DCLK2: variants seen among roughly 807,000 people sequenced by gnomAD.
DCLK2 encodes doublecortin like kinase 2, also known as serine/threonine-protein kinase DCLK2.
In DCLK2, 31 loss-of-function variants were observed where a neutral mutation model predicts 78.4. The ratio of observed to expected loss-of-function variants is 0.40; its 90% CI spans 0.30 to 0.53. The LOEUF is 0.53. DCLK2 is among the 20% of genes least tolerant of loss of function. The probability of loss-of-function intolerance (pLI) is 0.61; values close to 1 mark genes in which losing one functional copy is unlikely to be tolerated. For synonymous variants in DCLK2, 407 were observed against 374.9 expected, an observed-to-expected ratio of 1.09 and a Z score of -0.99; for missense variants, 872 against 973.7, an observed-to-expected ratio of 0.90 and a Z score of 1.39.
chr4:150,221,252 G>C (rs72951526), intron 6 of DCLK2, among the ~76,000 whole-genome samples: 12,104 of 151,426 alleles, frequency 0.08, 1,575 homozygotes, highest in African/African-American at 0.27. Flanking sequence ...ACTAGAAAAT[G>C]TTGAAGAGAA....
At chr4:150,151,780 C>G (rs1429202713) in intron 2 of DCLK2, among the ~76,000 whole-genome samples, 1 of 152,044 alleles carries the variant, frequency 6.6e-6, no homozygotes, top group Non-Finnish European at 1.5e-5. Context: ...CAAAAATTAG[C>G]CAGATGTGGT....
intron 1 of DCLK2, among the ~76,000 whole-genome samples, chr4:150,098,697 T>C (rs1246319645): frequency 9.1e-6 from 1 of 109,576 alleles, no homozygotes; most frequent in East Asian, 2.4e-4. Context: ...TTTTTCTTTT[T>C]CTTTTTTTTT....
At chr4:150,156,935 AATTT>A (rs1294611573) in intron 2 of DCLK2, among the ~76,000 whole-genome samples, 16 of 151,218 alleles carry the variant, frequency 1.1e-4, no homozygotes, top group Admixed American at 4.0e-4. Context: ...CTGCTTGGCT[AATTT>A]ATTTATTTTT....
intron 15 of DCLK2, among the ~76,000 whole-genome samples, chr4:150,252,209 G>C (rs1162700646): frequency 6.6e-6 from 1 of 152,220 alleles, no homozygotes; most frequent in African/African-American, 2.4e-5. Flanking sequence ...AGCATTGATG[G>C]ATGGGCTCAG....
chr4:150,199,171 A>C (rs1396484956), intron 4 of DCLK2: 2 of 1,175,952 alleles, frequency 1.7e-6, no homozygotes, highest in African/African-American at 3.0e-5. Context: ...ATTTCCATGA[A>C]TGTATCTGGC....
chr4:150,184,379 T>C (rs1381405760), intron 2 of DCLK2, among the ~76,000 whole-genome samples: 1 of 152,178 alleles, frequency 6.6e-6, no homozygotes, highest in African/African-American at 2.4e-5. Context: ...TTTCAACTTT[T>C]CTAAAAGCAG....
intron 15 of DCLK2, among the ~76,000 whole-genome samples, chr4:150,250,973 AT>A (rs1251486180): frequency 0.01 from 5 of 488 alleles, no homozygotes; most frequent in Non-Finnish European, 9.7e-3. Context: ...CACACCACAC[AT>A]CCCCCACACC....
At chr4:150,168,844 T>G (rs1362181908) in intron 2 of DCLK2, among the ~76,000 whole-genome samples, 3 of 152,240 alleles carry the variant, frequency 2.0e-5, no homozygotes, top group Admixed American at 2.0e-4. Flanking sequence ...TCATTCTGAC[T>G]GTTGAGCTGG....
At chr4:150,196,937 T>G (rs1466960641) in intron 3 of DCLK2, among the ~76,000 whole-genome samples, 4 of 152,162 alleles carry the variant, frequency 2.6e-5, no homozygotes, top group Non-Finnish European at 4.4e-5. Context: ...GCAGATCACC[T>G]GAGATGAGAA....
chr4:150,174,096 T>C (rs1430447748), intron 2 of DCLK2, among the ~76,000 whole-genome samples: 2 of 152,166 alleles, frequency 1.3e-5, no homozygotes, highest in African/African-American at 4.8e-5. Context: ...ACTCCGGGAA[T>C]GGCAGTCACC....
intron 12 of DCLK2, among the ~76,000 whole-genome samples, chr4:150,243,066 C>G (rs749191727): frequency 2.0e-5 from 3 of 152,174 alleles, no homozygotes; most frequent in Non-Finnish European, 4.4e-5. Context: ...ACAACTCCCT[C>G]TAGTGTTTGC....
At chr4:150,084,852 C>G (rs763876707) in intron 1 of DCLK2, among the ~76,000 whole-genome samples, 5 of 152,120 alleles carry the variant, frequency 3.3e-5, no homozygotes, top group African/African-American at 4.8e-5. Flanking sequence ...TTTCTGTATC[C>G]CTTCCTGCCC....
chr4:150,158,401 A>G (rs1297178538), intron 2 of DCLK2, among the ~76,000 whole-genome samples: 1 of 152,184 alleles, frequency 6.6e-6, no homozygotes, highest in Non-Finnish European at 1.5e-5. Context: ...GGGGGATATA[A>G]TTCAGTCTAT....
chr4:150,132,299 T>C (rs1281117479), intron 2 of DCLK2, among the ~76,000 whole-genome samples: 1 of 152,206 alleles, frequency 6.6e-6, no homozygotes, highest in Non-Finnish European at 1.5e-5. Flanking sequence ...AGCATTCAAG[T>C]GCTGGATTGT....
At chr4:150,137,402 A>G (rs1733773842) in intron 2 of DCLK2, among the ~76,000 whole-genome samples, 1 of 152,176 alleles carries the variant, frequency 6.6e-6, no homozygotes, top group South Asian at 2.1e-4. Flanking sequence ...TTTCTGCCTC[A>G]TTCTGTTGGT....
intron 1 of DCLK2, among the ~76,000 whole-genome samples, chr4:150,081,658 C>T (rs1354924028): frequency 4.0e-5 from 6 of 151,854 alleles, no homozygotes; most frequent in Admixed American, 2.0e-4. Context: ...CTTCAGTTTT[C>T]CCCCAAATTA....
chr4:150,078,819 A>T lies in DCLK2; in HGVS notation c.-209A>T, dbSNP rs28501392. The T allele has an allele frequency of 9.3e-6, 5 of 540,054 alleles. No homozygotes were observed. In the Admixed American group the frequency reaches 1.6e-4, roughly 17 times the overall value. 33.5% of individuals were successfully genotyped at this position (540,054 alleles called of 1,614,324 possible). A position where few individuals can be genotyped will look rare whatever the true frequency, so the allele number is the denominator to read the frequency against. On this transcript the variant is annotated 5_prime_UTR_variant, in exon 1 of 16. Coordinates refer to ENST00000296550, the MANE Select transcript of DCLK2 (RefSeq NM_001040260.4). ...AGTCGCACTGGACAATGACCTGGGC[A>T]GCTCGGCGCTGCGGACACTTTTAGC... is the stretch of plus-strand genomic sequence containing the variant.
At chr4:150,118,462 T>C (rs1217202123) in intron 2 of DCLK2, among the ~76,000 whole-genome samples, 1 of 152,200 alleles carries the variant, frequency 6.6e-6, no homozygotes. Flanking sequence ...TTAGGGAATA[T>C]GATGCTTCAG....
intron 2 of DCLK2, among the ~76,000 whole-genome samples, chr4:150,176,471 G>A (rs778694975): frequency 7.9e-5 from 12 of 152,124 alleles, no homozygotes; most frequent in Non-Finnish European, 1.3e-4. Context: ...ACCTGCCTAC[G>A]TTCCCAAGTT....
Sources: gnomAD v4.1 joint callset for allele counts (sites outside exome capture counted in the v4.1 genomes callset) on GRCh38, gnomAD v4.1.1 for gene constraint, MANE v1.5 for transcripts, NCBI Gene and HGNC (gene_info 2026-07-23, HGNC 2026-07-21) for gene names.